ABTB3: variants seen among roughly 807,000 people sequenced by gnomAD.
ABTB3 encodes the protein ankyrin repeat- and BTB/POZ domain-containing protein 3.
the ABTB3 span, among the ~76,000 whole-genome samples, chr12:107,581,680 A>G: frequency 6.6e-6 from 1 of 152,176 alleles, no homozygotes; most frequent in African/African-American, 2.4e-5. Context: ...TGGCTGGGTC[A>G]GAGAGCGCCT....
chr12:107,435,271 A>G, the ABTB3 span, among the ~76,000 whole-genome samples: 9 of 152,382 alleles, frequency 5.9e-5, no homozygotes, highest in South Asian at 1.4e-3. Flanking sequence ...GAGTACGCAC[A>G]TTCCCAGCCC....
At chr12:107,399,299 A>G in the ABTB3 span, among the ~76,000 whole-genome samples, 4 of 152,184 alleles carry the variant, frequency 2.6e-5, no homozygotes, top group Admixed American at 2.0e-4. Flanking sequence ...CAGTGCCACA[A>G]TGGTTGCTAG....
the ABTB3 span, chr12:107,617,722 G>T: frequency 8.6e-5 from 37 of 431,872 alleles, no homozygotes; most frequent in Middle Eastern, 1.2e-3. Flanking sequence ...CGTCATGTCA[G>T]CTGTCATGAA....
the ABTB3 span, among the ~76,000 whole-genome samples, chr12:107,416,855 A>G: frequency 6.6e-6 from 1 of 151,694 alleles, no homozygotes; most frequent in Non-Finnish European, 1.5e-5. Flanking sequence ...CTGGTCTCAA[A>G]CTCCTGGCCT....
At chr12:107,617,606 C>A in the ABTB3 span, 3 of 748,526 alleles carry the variant, frequency 4.0e-6, no homozygotes, top group Non-Finnish European at 6.3e-6. Flanking sequence ...AGCTGACAGC[C>A]AACTCCATGC....
chr12:107,463,135 TG>T, the ABTB3 span, among the ~76,000 whole-genome samples: 129 of 150,774 alleles, frequency 8.6e-4, 1 homozygote, highest in African/African-American at 2.9e-3. Context: ...GTGATGGTGA[TG>T]ATGGTGATGA....
At chr12:107,459,360 G>A in the ABTB3 span, among the ~76,000 whole-genome samples, 13 of 152,304 alleles carry the variant, frequency 8.5e-5, no homozygotes, top group East Asian at 2.5e-3. Context: ...AGTATTTACT[G>A]AGTGCCAGCT....
At chr12:107,433,988 C>G in the ABTB3 span, among the ~76,000 whole-genome samples, 1 of 152,196 alleles carries the variant, frequency 6.6e-6, no homozygotes, top group Admixed American at 6.5e-5. Flanking sequence ...TATGGGGACA[C>G]TCATCTCATT....
At chr12:107,636,480 C>T in the ABTB3 span, among the ~76,000 whole-genome samples, 1 of 152,210 alleles carries the variant, frequency 6.6e-6, no homozygotes, top group African/African-American at 2.4e-5. Flanking sequence ...AATTTCTACT[C>T]TTTAGCAAAA....
the ABTB3 span, among the ~76,000 whole-genome samples, chr12:107,472,059 T>A: frequency 6.6e-6 from 1 of 152,114 alleles, no homozygotes; most frequent in Non-Finnish European, 1.5e-5. Flanking sequence ...CTGGCTACCA[T>A]CAGGGAGGAT....
the ABTB3 span, among the ~76,000 whole-genome samples, chr12:107,428,892 T>C: frequency 6.6e-6 from 1 of 152,234 alleles, no homozygotes; most frequent in Admixed American, 6.5e-5. Flanking sequence ...TGGGTGCTGC[T>C]ATCATTCCTC....
chr12:107,641,533 G>C, the ABTB3 span, among the ~76,000 whole-genome samples: 129 of 152,356 alleles, frequency 8.5e-4, no homozygotes, highest in Middle Eastern at 3.4e-3. Flanking sequence ...TTTTAGTTTA[G>C]TTGATGGGCA....
chr12:107,466,402 CA>C, the ABTB3 span, among the ~76,000 whole-genome samples: 1 of 152,080 alleles, frequency 6.6e-6, no homozygotes, highest in African/African-American at 2.4e-5. Context: ...AAAACAGGAC[CA>C]CTTTCACTGT....
chr12:107,348,297 G>A, the ABTB3 span, among the ~76,000 whole-genome samples: 5 of 150,134 alleles, frequency 3.3e-5, no homozygotes, highest in East Asian at 2.0e-4. Flanking sequence ...ACACACACAC[G>A]CACACACACA....
the ABTB3 span, among the ~76,000 whole-genome samples, chr12:107,366,358 T>G: frequency 6.6e-6 from 1 of 152,076 alleles, no homozygotes; most frequent in Non-Finnish European, 1.5e-5. Context: ...AATAGAAGAC[T>G]GAACATGTTC....
At chr12:107,352,769 G>C in the ABTB3 span, among the ~76,000 whole-genome samples, 1 of 152,108 alleles carries the variant, frequency 6.6e-6, no homozygotes, top group Non-Finnish European at 1.5e-5. Context: ...GGGATGTAGA[G>C]TCAGGGCTGT....
the ABTB3 span, among the ~76,000 whole-genome samples, chr12:107,362,054 C>T: frequency 4.6e-5 from 7 of 152,112 alleles, no homozygotes; most frequent in Non-Finnish European, 2.9e-5. Flanking sequence ...TTGGACTATC[C>T]CAGCCTCCAG....
the ABTB3 span, among the ~76,000 whole-genome samples, chr12:107,405,378 G>A: frequency 6.6e-6 from 1 of 152,224 alleles, no homozygotes; most frequent in South Asian, 2.1e-4. Context: ...ACCTATCAGG[G>A]TCATGGTAAG....
chr12:107,515,200 T>C, the ABTB3 span, among the ~76,000 whole-genome samples: 1 of 152,038 alleles, frequency 6.6e-6, no homozygotes, highest in Non-Finnish European at 1.5e-5. Flanking sequence ...AAGTCCCATT[T>C]GCTCAGGCCT....
Sources: gnomAD v4.1 joint callset for allele counts (sites outside exome capture counted in the v4.1 genomes callset) on GRCh38, gnomAD v4.1.1 for gene constraint, MANE v1.5 for transcripts, NCBI Gene and HGNC (gene_info 2026-07-23, HGNC 2026-07-21) for gene names.